The following MVB12B variants were observed in gnomAD, a reference collection of about 807,000 sequenced individuals.
MVB12B encodes ESCRT-I complex subunit MVB12B.
Under a neutral mutation model 41.6 loss-of-function variants are expected in MVB12B, and 16 were observed. That is an observed-to-expected ratio of 0.38 (90% CI 0.26 to 0.58). The LOEUF is 0.58. Ranked by LOEUF, MVB12B falls within the 20% of genes least tolerant of loss-of-function variation. The probability of loss-of-function intolerance (pLI) is 0.62; values close to 1 mark genes in which losing one functional copy is unlikely to be tolerated. For synonymous variants in MVB12B, 133 were observed against 139.7 expected, an observed-to-expected ratio of 0.95 and a Z score of 0.34; for missense variants, 274 against 380.2, an observed-to-expected ratio of 0.72 and a Z score of 2.32.
In MVB12B at chr9:126,478,264, C is replaced by A. The variant is rs539330491; in HGVS notation, c.758-3105C>A. On this transcript the variant is annotated intron_variant, in intron 7 of 9. Transcript: ENST00000361171. The surrounding 1 kb of genome is among the most constrained non-coding windows in gnomAD (Gnocchi z 4.2). ...GGCTTTCATCTCCAGCAGCAGCAGG[C>A]GGGGGTAGCAGTGAGCAGGGTCCCC... Among the ~76,000 whole-genome samples, 10 of 152,160 alleles carry A rather than the reference C, an allele frequency of 6.6e-5. No homozygotes were observed. The highest frequency in any genetic ancestry group is 1.0e-4 in the Non-Finnish European group (7 of 68,028).
intron 2 of MVB12B, among the ~76,000 whole-genome samples, chr9:126,377,503 T>G (rs1050197007): frequency 4.6e-5 from 7 of 152,126 alleles, no homozygotes; most frequent in African/African-American, 1.7e-4. Flanking sequence ...TCCTGGAAAT[T>G]TCATTTGAAA....
intron 7 of MVB12B, among the ~76,000 whole-genome samples, chr9:126,451,358 G>T (rs1832884910): frequency 6.6e-6 from 1 of 152,320 alleles, no homozygotes; most frequent in Admixed American, 6.5e-5. Flanking sequence ...AGTGCAGAGG[G>T]GACTCTCTCA....
At chr9:126,427,434 A>G (rs1156524011) in intron 7 of MVB12B, among the ~76,000 whole-genome samples, 1 of 152,136 alleles carries the variant, frequency 6.6e-6, no homozygotes, top group Non-Finnish European at 1.5e-5. Flanking sequence ...GAGAGGGGCC[A>G]CCAAGGAGAG....
At chr9:126,349,980 G>A (rs1015630316) in intron 2 of MVB12B, among the ~76,000 whole-genome samples, 1 of 152,142 alleles carries the variant, frequency 6.6e-6, no homozygotes, top group Non-Finnish European at 1.5e-5. Flanking sequence ...CCAGTTTCTC[G>A]ACATCTTTTC....
At chr9:126,363,003 A>G (rs1287747759) in intron 2 of MVB12B, among the ~76,000 whole-genome samples, 3 of 152,132 alleles carry the variant, frequency 2.0e-5, no homozygotes, top group African/African-American at 7.2e-5. Flanking sequence ...CCTGGTCAAC[A>G]TGGTGAAACC....
In MVB12B at chr9:126,389,025, C is replaced by T. The variant is rs73595633; in HGVS notation, c.409+2367C>T. On this transcript the variant is annotated intron_variant, in intron 4 of 9. Transcript: ENST00000361171. This position sits in a 1 kb window ranked among gnomAD's most constrained non-coding sequence, Gnocchi z 4.4. ...GCATTTTCCTCTAGGTTAGTTGGAC[C>T]AGTTCACTGAGGCTCTGTCCTGTCT... Among the ~76,000 whole-genome samples, 45 of 152,322 alleles carry T rather than the reference C, an allele frequency of 3.0e-4. No individual in the cohort carries two copies. The highest frequency in any genetic ancestry group is 1.1e-3 in the African/African-American group (44 of 41,566).
chr9:126,410,408 G>A (rs371073854), intron 6 of MVB12B, among the ~76,000 whole-genome samples: 5 of 152,200 alleles, frequency 3.3e-5, no homozygotes, highest in African/African-American at 7.2e-5. Flanking sequence ...TTCTTCAGCT[G>A]TGTGACTTTG....
chr9:126,380,022 G>T (rs1830591061), intron 2 of MVB12B, among the ~76,000 whole-genome samples: 1 of 152,204 alleles, frequency 6.6e-6, no homozygotes, highest in Middle Eastern at 3.2e-3. Context: ...CAACCCAGAA[G>T]GAGTCAGAAA....
At chr9:126,492,200 A>G (rs1394668719) in intron 9 of MVB12B, among the ~76,000 whole-genome samples, 1 of 145,676 alleles carries the variant, frequency 6.9e-6, no homozygotes, top group African/African-American at 2.6e-5. Flanking sequence ...AGTATGTCTT[A>G]CACGTCTTCG....
chr9:126,386,084 C>A lies in MVB12B; in HGVS notation c.313-478C>A, dbSNP rs1830782471. Among the ~76,000 whole-genome samples the A allele has an allele frequency of 6.6e-6, 1 of 152,198 alleles. No individual in the cohort carries two copies. The highest frequency in any genetic ancestry group is 6.5e-5 in the Admixed American group (1 of 15,280). ...ATTCTTGGGATTTTGCAGAATGTAT[C>A]TAGCAACTGAAATGTGTGTCAGTAT... On this transcript the variant is annotated intron_variant, in intron 3 of 9. Transcript: ENST00000361171. This position sits in a 1 kb window ranked among gnomAD's most constrained non-coding sequence, Gnocchi z 4.3.
chr9:126,457,396 G>A (rs910043449), intron 7 of MVB12B, among the ~76,000 whole-genome samples: 3 of 152,204 alleles, frequency 2.0e-5, no homozygotes, highest in Non-Finnish European at 4.4e-5. Flanking sequence ...TCGCTCACTG[G>A]CCCAACTCCC....
chr9:126,419,006 G>C (rs1201613246), intron 6 of MVB12B, among the ~76,000 whole-genome samples: 1 of 152,000 alleles, frequency 6.6e-6, no homozygotes, highest in Non-Finnish European at 1.5e-5. Flanking sequence ...ATGCATATTT[G>C]ACCACCCAAC....
intron 2 of MVB12B, among the ~76,000 whole-genome samples, chr9:126,341,709 A>G (rs976923405): frequency 6.6e-6 from 1 of 152,206 alleles, no homozygotes; most frequent in Non-Finnish European, 1.5e-5. Flanking sequence ...GATGTTTAGC[A>G]GCATTCCTGG....
chr9:126,485,483 T>G (rs373923388), intron 9 of MVB12B, among the ~76,000 whole-genome samples: 11 of 105,232 alleles, frequency 1.0e-4, no homozygotes, highest in Non-Finnish European at 1.4e-4. Context: ...TCAGGGTACC[T>G]TCCACTGTGC....
chr9:126,372,294 T>A (rs953813802), intron 2 of MVB12B, among the ~76,000 whole-genome samples: 7 of 152,238 alleles, frequency 4.6e-5, no homozygotes, highest in Non-Finnish European at 8.8e-5. Context: ...TTTGGATTAG[T>A]TCCTCATTTG....
Position 126,386,605 on chromosome 9 carries a change from T to A in MVB12B, c.356T>A (p.Ile119Asn). Residue 119 changes from isoleucine to asparagine, a missense_variant, in exon 4 of 10, where the codon ATC becomes AAC. Ile to Asn is a moderately radical substitution (Grantham distance 149). Transcript: ENST00000361171. The surrounding 1 kb of genome is among the most constrained non-coding windows in gnomAD (Gnocchi z 4.3). ...TTAGTAGATATGAAGCTCATTGACA[T>A]CAAGGACACACTGCCTGTGGGCTTC... ...NVLVDMKLID[I>N]KDTLPVGFIP... The A allele has an allele frequency of 1.2e-6, 2 of 1,614,162 alleles. No individual in the cohort carries two copies. The highest frequency in any genetic ancestry group is 1.7e-6 in the Non-Finnish European group (2 of 1,180,004).
intron 9 of MVB12B, among the ~76,000 whole-genome samples, chr9:126,499,842 G>A (rs943812676): frequency 1.3e-5 from 2 of 152,164 alleles, no homozygotes; most frequent in African/African-American, 4.8e-5. Flanking sequence ...AGGCAGGAAG[G>A]GGCGCCTTCT....
intron 7 of MVB12B, among the ~76,000 whole-genome samples, chr9:126,457,008 T>A (rs542125065): frequency 1.3e-5 from 2 of 152,322 alleles, no homozygotes; most frequent in South Asian, 4.1e-4. Context: ...TAACCAGATC[T>A]TCAGCTCTCA....
chr9:126,434,382 C>T (rs1328905461), intron 7 of MVB12B, among the ~76,000 whole-genome samples: 1 of 152,174 alleles, frequency 6.6e-6, no homozygotes, highest in South Asian at 2.1e-4. Context: ...CAGAACTCTC[C>T]TCCAAGGTTG....
Sources: allele counts gnomAD v4.1 joint callset (sites outside exome capture counted in the v4.1 genomes callset), GRCh38; gene constraint gnomAD v4.1.1; non-coding constraint Gnocchi (gnomAD v3.1); transcripts MANE v1.5; gene names NCBI Gene and HGNC (gene_info 2026-07-23, HGNC 2026-07-21).